Variants in PLXNA4 observed in about 807,000 individuals in gnomAD.
PLXNA4 encodes the protein plexin-A4.
A neutral mutation model predicts 191.8 loss-of-function variants in PLXNA4; 44 were observed. The observed-to-expected ratio is 0.23, with a 90% confidence interval of 0.18 to 0.29. PLXNA4 has a LOEUF of 0.29. PLXNA4 is among the 10% of genes least tolerant of loss of function. The probability of loss-of-function intolerance (pLI) is 1.00; values close to 1 mark genes in which losing one functional copy is unlikely to be tolerated. For missense variants in PLXNA4, 1,800 were observed against 2,488.8 expected (o/e 0.72, Z 5.89); for synonymous variants, 1,082 against 1,009.5 (o/e 1.07, Z -1.36).
rs374265377 is a variant in PLXNA4, at chr7:132,220,106, CA to C, written c.2097+3420del. ...GAATGTAAAAATATAGCAAGCAAAA[CA>C]AAACAACAACATAAAAAAATCCTCA... On this transcript the variant is annotated intron_variant, in intron 9 of 31. Transcript: ENST00000321063. 6.0e-4 allele frequency among the ~76,000 whole-genome samples: 92 copies of C among 152,268 alleles called. 1 individual carries two copies. The East Asian group carries it at 0.013, about 22-fold the overall frequency.
At chr7:132,244,555 G>A (rs1301826715) in intron 4 of PLXNA4, among the ~76,000 whole-genome samples, 1 of 151,972 alleles carries the variant, frequency 6.6e-6, no homozygotes, top group Non-Finnish European at 1.5e-5. Flanking sequence ...ATTCAAATTG[G>A]GGAGCCAACA....
At chr7:132,624,718 G>A (rs1803336017) in intron 2 of PLXNA4, among the ~76,000 whole-genome samples, 1 of 152,144 alleles carries the variant, frequency 6.6e-6, no homozygotes, top group Admixed American at 6.5e-5. Flanking sequence ...TGTTCAGTAA[G>A]CTTAGGGTTA....
At chr7:132,538,774 A>C (rs1429408051) in intron 1 of PLXNA4, among the ~76,000 whole-genome samples, 1 of 152,086 alleles carries the variant, frequency 6.6e-6, no homozygotes, top group African/African-American at 2.4e-5. Flanking sequence ...GGCTTCCCAC[A>C]CTTTGATTCC....
At chr7:132,282,153 A>T (rs73157256) in intron 4 of PLXNA4, among the ~76,000 whole-genome samples, 7,711 of 152,178 alleles carry the variant, frequency 0.051, 304 homozygotes, top group African/African-American at 0.1. Flanking sequence ...TTTTAAATAA[A>T]TTTTTTTTAT....
At chr7:132,387,187 T>A (rs1172671642) in intron 3 of PLXNA4, among the ~76,000 whole-genome samples, 3 of 152,184 alleles carry the variant, frequency 2.0e-5, no homozygotes, top group African/African-American at 7.2e-5. Flanking sequence ...AGGACCAAGA[T>A]CATCATCATT....
upstream of PLXNA4, chr7:132,577,193 G>GGCCCCCC (rs1802282586): frequency 6.8e-6 from 1 of 147,652 alleles, no homozygotes; most frequent in Non-Finnish European, 1.5e-5. Context: ...GCGCGCCCCC[G>GGCCCCCC]GCCCCCCGGG....
At chr7:132,202,433 A>G (rs1418693958) in intron 12 of PLXNA4, among the ~76,000 whole-genome samples, 1 of 152,160 alleles carries the variant, frequency 6.6e-6, no homozygotes, top group Non-Finnish European at 1.5e-5. Flanking sequence ...CTCATTGAGG[A>G]TAGTCGAGCC....
chr7:132,290,658 G>A (rs2116458397), intron 4 of PLXNA4, among the ~76,000 whole-genome samples: 2 of 152,346 alleles, frequency 1.3e-5, no homozygotes, highest in Middle Eastern at 6.8e-3. Flanking sequence ...AGGGGAAGGG[G>A]TGGGTGTGCA....
intron 31 of PLXNA4, 111 bp from the exon 32 acceptor site, chr7:132,130,685 A>C (rs1794901991): frequency 6.6e-7 from 1 of 1,519,202 alleles, no homozygotes; most frequent in African/African-American, 1.4e-5. Flanking sequence ...AGCCACAGGC[A>C]TGTGCAGGGG....
intron 11 of PLXNA4, among the ~76,000 whole-genome samples, chr7:132,203,052 C>A (rs1468027519): frequency 6.6e-6 from 1 of 152,214 alleles, no homozygotes; most frequent in Non-Finnish European, 1.5e-5. Flanking sequence ...TCTCCGTTCA[C>A]TCAGCACTCA....
intron 22 of PLXNA4, among the ~76,000 whole-genome samples, chr7:132,168,044 A>C (rs936557223): frequency 1.3e-5 from 2 of 152,222 alleles, no homozygotes; most frequent in African/African-American, 4.8e-5. Context: ...AGAAGGGCAG[A>C]GAAGGAAAAA....
chr7:132,134,108 G>C (rs746778), intron 30 of PLXNA4, among the ~76,000 whole-genome samples: 85,763 of 152,032 alleles, frequency 0.56, 28,673 homozygotes, highest in East Asian at 0.83. Flanking sequence ...GGACTAGGGT[G>C]CATGAAGCAA....
At chr7:132,132,870 T>A (rs1211355940) in intron 31 of PLXNA4, among the ~76,000 whole-genome samples, 179 bp downstream of exon 31, 1 of 152,200 alleles carries the variant, frequency 6.6e-6, no homozygotes, top group East Asian at 1.9e-4. Context: ...GCAGAATTTA[T>A]GGGATGGAGG....
At chr7:132,637,414 G>C (rs1354560757) in intron 2 of PLXNA4, among the ~76,000 whole-genome samples, 1 of 152,096 alleles carries the variant, frequency 6.6e-6, no homozygotes, top group Non-Finnish European at 1.5e-5. Context: ...GGCTCTCCTT[G>C]GTTGCCTTGA....
intron 3 of PLXNA4, among the ~76,000 whole-genome samples, chr7:132,363,184 C>T (rs185423983): frequency 9.2e-5 from 14 of 152,282 alleles, no homozygotes; most frequent in Non-Finnish European, 1.9e-4. Flanking sequence ...GGGATTTCAT[C>T]ATGTTGGCCA....
rs979216940 is a variant in PLXNA4 at position 132,203,242 on chromosome 7, C to T, written c.2395+81G>A. On this transcript the variant is annotated intron_variant, in intron 11 of 31. Transcript: ENST00000321063. ...TAGGAGGCGGGGGCAGAATGACTCC[C>T]GCGAGAATGCAGGACGGCTCCTTCC... 5.6e-5 allele frequency: 74 copies of T among 1,323,082 alleles called. 1 individual carries two copies. In the Middle Eastern group the frequency reaches 6.3e-4, roughly 11 times the overall value. The allele number at this position is 1,323,082 out of a possible 1,614,324, so 82.0% of individuals were successfully genotyped here.
At position 132,315,050 on chromosome 7, in the gene PLXNA4, G is replaced by A. The variant is rs138414719; in HGVS notation, c.1372-16828C>T. Among the ~76,000 whole-genome samples the A allele has an allele frequency of 6.2e-4, 94 of 152,302 alleles. 1 individual carries two copies. The highest frequency in any genetic ancestry group is 6.0e-4 in the Non-Finnish European group (41 of 68,030). ...CACTCTCCTGAGCAAGTTATCCAGT[G>A]GAATATTGTGCTCTTCCTCTGTGGC... On this transcript the variant is annotated intron_variant, in intron 3 of 31. Coordinates refer to ENST00000321063, the MANE Select transcript of PLXNA4 (RefSeq NM_020911.2).
At chr7:132,180,485 T>C (rs1796668193) in intron 19 of PLXNA4, 101 bp downstream of exon 19, 1 of 1,541,588 alleles carries the variant, frequency 6.5e-7, no homozygotes, top group South Asian at 1.2e-5. Flanking sequence ...GGAAAAGTTC[T>C]TTGTGGGACA....
intron 13 of PLXNA4, among the ~76,000 whole-genome samples, chr7:132,196,620 G>T (rs1032347766): frequency 3.3e-5 from 5 of 152,128 alleles, no homozygotes; most frequent in African/African-American, 1.2e-4. Context: ...TGTGAATTCT[G>T]GTTATTTAGG....
Sources: allele counts gnomAD v4.1 joint callset (sites outside exome capture counted in the v4.1 genomes callset), GRCh38; gene constraint gnomAD v4.1.1; transcripts MANE v1.5; gene names NCBI Gene and HGNC (gene_info 2026-07-23, HGNC 2026-07-21).